The following TG variants were observed in gnomAD, a reference collection of about 807,000 sequenced individuals.
TG encodes thyroglobulin, also known as thyroid hormones.
TG carries 270 observed loss-of-function variants against 324.7 expected under a neutral mutation model. The observed-to-expected ratio is 0.83, with a 90% CI of 0.75 to 0.92. TG has a LOEUF of 0.92. Ranked by LOEUF, TG falls within the 40% of genes least tolerant of loss-of-function variation. The probability of loss-of-function intolerance (pLI) is 0.00; values close to 1 mark genes in which losing one functional copy is unlikely to be tolerated. For synonymous variants in TG, 1,401 were observed against 1,327.0 expected (o/e 1.06, Z -1.21); for missense variants, 3,591 against 3,456.4 (o/e 1.04, Z -0.98).
At position 132,972,723 on chromosome 8, in the gene TG, G is replaced by A. The variant is rs115436575; in HGVS notation, c.6181G>A (p.Gly2061Arg). Reference protein sequence around the residue: ...PDIEVHTYPFGWYQKPIAQNN... With the variant: ...PDIEVHTYPFRWYQKPIAQNN... ...CATTGAAGTCCACACCTATCCCTTC[G>A]GATGGTACCAGAAGCCCAGTAAGTA... Residue 2061 changes from glycine (G) to arginine (R), a missense_variant, in exon 34 of 48, where the codon GGA becomes AGA. Gly to Arg is a moderately radical substitution (Grantham distance 125, BLOSUM62 -2). Coordinates refer to ENST00000220616, the MANE Select transcript of TG (RefSeq NM_003235.5). The A allele has an allele frequency of 4.7e-4, 755 of 1,613,938 alleles. 3 individuals are homozygous for A. In the African/African-American group the frequency reaches 5.8e-3, roughly 12 times the overall value.
intron 18 of TG, among the ~76,000 whole-genome samples, chr8:132,909,332 G>A (rs918142384): frequency 1.9e-4 from 29 of 152,206 alleles, no homozygotes; most frequent in African/African-American, 6.8e-4. Flanking sequence ...AGATGGAGGT[G>A]TTGAGGATGA....
At chr8:132,980,437 T>G (rs1276885561) in intron 34 of TG, among the ~76,000 whole-genome samples, 1 of 151,934 alleles carries the variant, frequency 6.6e-6, no homozygotes, top group Non-Finnish European at 1.5e-5. Flanking sequence ...GTGGGACACC[T>G]AAACAGGGTG....
At chr8:132,867,568 C>T (rs1254099387) in intron 1 of TG, among the ~76,000 whole-genome samples, 1 of 148,016 alleles carries the variant, frequency 6.8e-6, no homozygotes, top group East Asian at 2.0e-4. Flanking sequence ...AAATAACACA[C>T]ACCTCATGAT....
chr8:132,990,680 CTTTCTATA>C (rs2130762050), intron 35 of TG, among the ~76,000 whole-genome samples: 2 of 152,180 alleles, frequency 1.3e-5, no homozygotes, highest in East Asian at 3.9e-4. Flanking sequence ...ATGCTAAATG[CTTTCTATA>C]TTTTAATCTT....
chr8:133,111,645 A>G (rs1246247248), intron 43 of TG, among the ~76,000 whole-genome samples: 1 of 152,196 alleles, frequency 6.6e-6, no homozygotes, highest in Non-Finnish European at 1.5e-5. Context: ...AAGAGTATGG[A>G]GTGTGAACAT....
At chr8:133,054,639 G>A (rs533641367) in intron 41 of TG, among the ~76,000 whole-genome samples, 25 of 152,180 alleles carry the variant, frequency 1.6e-4, no homozygotes, top group Non-Finnish European at 3.5e-4. Context: ...TCTAAAATTT[G>A]CAAACTAGTA....
At chr8:132,931,955 G>C (rs1393422158) in intron 23 of TG, among the ~76,000 whole-genome samples, 2 of 152,082 alleles carry the variant, frequency 1.3e-5, no homozygotes, top group African/African-American at 4.8e-5. Flanking sequence ...TTAGCCAGGC[G>C]TGATGGTGCG....
intron 34 of TG, among the ~76,000 whole-genome samples, chr8:132,973,434 G>A (rs537174371): frequency 3.8e-4 from 58 of 152,292 alleles, no homozygotes; most frequent in South Asian, 1.0e-3. Context: ...TATGTGGCAC[G>A]TTTTAGGAGC....
intron 41 of TG, among the ~76,000 whole-genome samples, chr8:133,055,669 G>A (rs554210474): frequency 1.3e-5 from 2 of 152,284 alleles, no homozygotes; most frequent in East Asian, 3.9e-4. Flanking sequence ...ATGCTAGAGG[G>A]ATATAGGCAG....
At chr8:133,064,478 AG>A (rs749495642) in intron 41 of TG, among the ~76,000 whole-genome samples, 2 of 152,210 alleles carry the variant, frequency 1.3e-5, no homozygotes, top group Non-Finnish European at 2.9e-5. Flanking sequence ...GTGTGAGATC[AG>A]GGGTTAGTCA....
chr8:132,911,390 G>A lies in TG; in HGVS notation c.4016G>A (p.Gly1339Asp). ...GFCQIQVKTF[G>D]TLVSIPVCNN... ...GTCTTCTTGTAGGTGAAGACTTTTG[G>A]CACCCTGGTTTCCATTCCTGTCTGC... is the stretch of plus-strand genomic sequence containing the variant. Residue 1339 changes from glycine (G) to aspartate (D), a missense_variant, in exon 19 of 48, where the codon GGC becomes GAC. Gly to Asp is a moderately conservative substitution (Grantham distance 94). Transcript: ENST00000220616. The A allele has an allele frequency of 6.2e-7, 1 of 1,614,148 alleles. No individual in the cohort carries two copies. The highest frequency in any genetic ancestry group is 8.5e-7 in the Non-Finnish European group (1 of 1,180,028).
chr8:132,954,965 A>G (rs1326177457), intron 27 of TG, among the ~76,000 whole-genome samples: 1 of 152,166 alleles, frequency 6.6e-6, no homozygotes, highest in Non-Finnish European at 1.5e-5. Context: ...GGCAAGGGAA[A>G]CACATGGCCT....
chr8:133,053,659 G>GACTGTGGA (rs1429921492), intron 41 of TG, among the ~76,000 whole-genome samples: 2 of 152,144 alleles, frequency 1.3e-5, no homozygotes, highest in Non-Finnish European at 2.9e-5. Flanking sequence ...TCAAGATTAA[G>GACTGTGGA]ACTGTGGAAC....
intron 35 of TG, chr8:133,002,334 T>C: frequency 1.0e-6 from 1 of 985,398 alleles, no homozygotes; most frequent in Non-Finnish European, 1.2e-6. Context: ...TCTTCCATGA[T>C]GATTTAGTTG....
At chr8:132,923,217 C>G in intron 21 of TG, 121 bp from the exon 22 acceptor site, 2 of 1,138,982 alleles carry the variant, frequency 1.8e-6, no homozygotes, top group South Asian at 1.3e-5. Flanking sequence ...GAGTTTTAAG[C>G]TGGAATGTCT....
intron 41 of TG, chr8:133,074,994 C>G: frequency 1.0e-6 from 1 of 985,440 alleles, no homozygotes; most frequent in Non-Finnish European, 1.2e-6. Flanking sequence ...GAGAAGCAGC[C>G]CATGCTACAC....
intron 34 of TG, among the ~76,000 whole-genome samples, chr8:132,981,763 G>C (rs1830882696): frequency 6.6e-6 from 1 of 152,190 alleles, no homozygotes; most frequent in Non-Finnish European, 1.5e-5. Context: ...TGCCCTCCAG[G>C]TAATTTGGAA....
intron 24 of TG, among the ~76,000 whole-genome samples, chr8:132,934,626 C>T (rs929101667): frequency 6.6e-6 from 1 of 152,214 alleles, no homozygotes; most frequent in Non-Finnish European, 1.5e-5. Flanking sequence ...TCCTCCTCTC[C>T]CCAGGCCATT....
rs376935744 is a variant in TG, at chr8:132,888,117, A to G, written c.2310A>G (p.Arg770=). The change falls in exon 10 of 48, where the codon AGA becomes AGG. Residue 770 remains arginine (R), a synonymous_variant. Transcript: ENST00000220616. ...AGTGCAGCACCGATGGGCAGTGGAG[A>G]CAAGTGCAATGCAATGGGCCTCCTG... ...IPQCSTDGQW[R]QVQCNGPPEQ... The G allele has an allele frequency of 9.9e-6, 16 of 1,613,966 alleles. No homozygotes were observed. In the African/African-American group the frequency reaches 1.3e-4, roughly 13 times the overall value.
Sources: allele counts gnomAD v4.1 joint callset (sites outside exome capture counted in the v4.1 genomes callset), GRCh38; gene constraint gnomAD v4.1.1; transcripts MANE v1.5; gene names NCBI Gene and HGNC (gene_info 2026-07-23, HGNC 2026-07-21).